Variants in PREX1 observed in about 807,000 individuals in gnomAD.
PREX1 encodes the protein phosphatidylinositol 3,4,5-trisphosphate-dependent Rac exchanger 1 protein.
A neutral mutation model predicts 198.3 loss-of-function variants in PREX1; 41 were observed. That is an observed-to-expected ratio of 0.21 (90% CI 0.16 to 0.27). The LOEUF (loss-of-function observed/expected upper bound fraction) is 0.27. Among genes scored for constraint, PREX1 ranks in the 10% least tolerant of loss-of-function variants. PREX1 has a pLI of 1.00. For missense variants in PREX1, 1,620 were observed against 2,200.7 expected (o/e 0.74, Z 5.28); for synonymous variants, 843 against 887.2 (o/e 0.95, Z 0.89).
intron 5 of PREX1, among the ~76,000 whole-genome samples, chr20:48,724,151 T>C (rs1319371124): frequency 2.0e-5 from 3 of 152,182 alleles, no homozygotes; most frequent in African/African-American, 7.2e-5. Flanking sequence ...CAGCAGGCAG[T>C]AGAGCCATAT....
At chr20:48,767,163 C>T in intron 1 of PREX1, among the ~76,000 whole-genome samples, 1 of 152,190 alleles carries the variant, frequency 6.6e-6, no homozygotes, top group Non-Finnish European at 1.5e-5. Context: ...CAAAGGGCTC[C>T]CAGCTCTGGG....
intron 1 of PREX1, among the ~76,000 whole-genome samples, chr20:48,822,546 A>T (rs1326200668): frequency 6.6e-6 from 1 of 152,268 alleles, no homozygotes; most frequent in East Asian, 1.9e-4. Context: ...AAATATTAGC[A>T]AATTGTTACC....
At chr20:48,866,219 C>A in the PREX1 span, among the ~76,000 whole-genome samples, 1 of 152,078 alleles carries the variant, frequency 6.6e-6, no homozygotes, top group African/African-American at 2.4e-5. Flanking sequence ...TAATTTTTTA[C>A]TTTGTGCATG....
intron 15 of PREX1, among the ~76,000 whole-genome samples, chr20:48,660,529 G>C (rs2089583005): frequency 6.6e-6 from 1 of 152,162 alleles, no homozygotes; most frequent in Admixed American, 6.5e-5. Flanking sequence ...GCAACAATAA[G>C]CTAATGGATT....
the PREX1 span, among the ~76,000 whole-genome samples, chr20:48,833,653 G>A: frequency 6.6e-6 from 1 of 151,966 alleles, no homozygotes; most frequent in East Asian, 1.9e-4. Context: ...TGTTGGCCAG[G>A]CTGGTCTCAA....
At position 48,666,711 on chromosome 20, in the gene PREX1, G is replaced by A. The variant is rs1432922408; in HGVS notation, c.1666-356C>T. The stretch of plus-strand genomic sequence containing the variant: ...CGGCTAATTTTTTGTATTTTTAGTA[G>A]AGACGGGGTTTCACTGTGTTAGCCA... On this transcript the variant is annotated intron_variant, in intron 14 of 39. Coordinates refer to ENST00000371941, the MANE Select transcript of PREX1 (RefSeq NM_020820.4). The surrounding 1 kb of genome is among the most constrained non-coding windows in gnomAD (Gnocchi z 4.3). 6.6e-6 allele frequency among the ~76,000 whole-genome samples: 1 copy of A among 151,968 alleles called. No homozygotes were observed. Among genetic ancestry groups the A allele is most frequent in the Non-Finnish European group, 1.5e-5 (1 of 68,000 alleles).
intron 1 of PREX1, among the ~76,000 whole-genome samples, chr20:48,811,761 C>CA (rs72534986): frequency 0.07 from 9,474 of 135,964 alleles, 412 homozygotes; most frequent in Middle Eastern, 0.17. Flanking sequence ...TCACTGAAGT[C>CA]AAAGAATCTG....
At chr20:48,654,336 C>T (rs919634387) in intron 19 of PREX1, among the ~76,000 whole-genome samples, 2 of 152,258 alleles carry the variant, frequency 1.3e-5, no homozygotes, top group Non-Finnish European at 2.9e-5. Flanking sequence ...CCTATGAACA[C>T]CTATTACTAC....
intron 5 of PREX1, among the ~76,000 whole-genome samples, chr20:48,709,030 T>C (rs1601090081): frequency 6.6e-6 from 1 of 152,080 alleles, no homozygotes; most frequent in East Asian, 1.9e-4. Flanking sequence ...GCCCCCACCG[T>C]TTCCCACTGC....
the PREX1 span, among the ~76,000 whole-genome samples, chr20:48,858,342 C>T: frequency 6.6e-6 from 1 of 152,226 alleles, no homozygotes; most frequent in Non-Finnish European, 1.5e-5. Flanking sequence ...CAAACTCACT[C>T]AGCATCAATC....
At position 48,649,596 on chromosome 20, in the gene PREX1, A is replaced by G; in HGVS notation, c.3029-20T>C. The G allele has an allele frequency of 1.3e-6, 2 of 1,558,046 alleles. No individual in the cohort carries two copies. The highest frequency in any genetic ancestry group is 1.7e-6 in the Non-Finnish European group (2 of 1,148,430). The stretch of plus-strand genomic sequence containing the variant: ...GGTGGCCTGCAGTGGAGGAAGAGAG[A>G]GCTCACTGGAAAACAGCCCCCAGCA... On this transcript the variant is annotated intron_variant, in intron 24 of 39. Transcript: ENST00000371941.
intron 5 of PREX1, among the ~76,000 whole-genome samples, chr20:48,718,928 T>C (rs2089973844): frequency 6.6e-6 from 1 of 152,232 alleles, no homozygotes. Flanking sequence ...GGTCAGGAGC[T>C]AGGATTAATA....
intron 1 of PREX1, among the ~76,000 whole-genome samples, chr20:48,814,973 G>A (rs2090453375): frequency 6.6e-6 from 1 of 152,098 alleles, no homozygotes; most frequent in Non-Finnish European, 1.5e-5. Context: ...GTAAGCAGAA[G>A]AAAGGCAACA....
intron 14 of PREX1, among the ~76,000 whole-genome samples, chr20:48,673,696 C>T (rs973638104): frequency 4.9e-5 from 7 of 142,308 alleles, no homozygotes; most frequent in Admixed American, 3.1e-4. Context: ...CTAACCCCCC[C>T]ACCTCTGTTT....
rs749510754 is a variant in PREX1 at position 48,630,710 on chromosome 20, G to A, written c.4593+18C>T. The A allele has an allele frequency of 2.9e-5, 45 of 1,565,602 alleles. No homozygotes were observed. The highest frequency in any genetic ancestry group is 2.8e-5 in the Non-Finnish European group (32 of 1,136,418). On this transcript the variant is annotated intron_variant, in intron 36 of 39. Coordinates refer to ENST00000371941, the MANE Select transcript of PREX1 (RefSeq NM_020820.4). The stretch of plus-strand genomic sequence containing the variant: ...ACCCTGCCCAAGCTCCCTGCAGCAG[G>A]AGGGCACGTGGACATACCTGGTCTA...
intron 39 of PREX1, among the ~76,000 whole-genome samples, chr20:48,626,516 G>A (rs1476778605): frequency 3.3e-5 from 5 of 152,252 alleles, no homozygotes; most frequent in African/African-American, 1.2e-4. Context: ...GGGGATGACA[G>A]CCGGACTTGG....
chr20:48,637,793 G>A lies in PREX1; in HGVS notation c.3905-41C>T, dbSNP rs116919449. 1.2e-4 allele frequency: 190 copies of A among 1,570,054 alleles called. No homozygotes were observed. The East Asian group carries it at 4.1e-3, about 34-fold the overall frequency. On this transcript the variant is annotated intron_variant, in intron 30 of 39. Coordinates refer to ENST00000371941, the MANE Select transcript of PREX1 (RefSeq NM_020820.4). ...AGACAGAAAGGGGGACGGGCTGGGAGGGGGCAGCAAGAGGTGAGGGCAGAA... is the reference window on the plus strand; with the variant it reads ...AGACAGAAAGGGGGACGGGCTGGGAAGGGGCAGCAAGAGGTGAGGGCAGAA...
chr20:48,701,219 G>A (rs2089872143), intron 6 of PREX1, among the ~76,000 whole-genome samples: 1 of 152,038 alleles, frequency 6.6e-6, no homozygotes, highest in African/African-American at 2.4e-5. Flanking sequence ...TGGTTTTTGG[G>A]TTTATTTTTT....
intron 26 of PREX1, among the ~76,000 whole-genome samples, chr20:48,645,335 C>G (rs2089443267): frequency 6.6e-6 from 1 of 152,210 alleles, no homozygotes; most frequent in Non-Finnish European, 1.5e-5. Flanking sequence ...ATTAAACTTA[C>G]CCATTATATG....
Sources: gnomAD v4.1 joint callset for allele counts (sites outside exome capture counted in the v4.1 genomes callset) on GRCh38, gnomAD v4.1.1 for gene constraint, Gnocchi (gnomAD v3.1) non-coding constraint, MANE v1.5 for transcripts, NCBI Gene and HGNC (gene_info 2026-07-23, HGNC 2026-07-21) for gene names.